Variants in PKNOX2 observed in about 807,000 individuals in gnomAD.
The protein encoded by PKNOX2 is PBX/knotted 1 homeobox 2.
In PKNOX2, 14 loss-of-function variants were observed where a neutral mutation model predicts 53.1. The observed-to-expected ratio is 0.26, with a 90% confidence interval of 0.17 to 0.41. PKNOX2 has a LOEUF of 0.41. Ranked by LOEUF, PKNOX2 falls within the 10% of genes least tolerant of loss-of-function variation. PKNOX2 has a pLI of 1.00. For missense variants in PKNOX2, 496 were observed against 602.8 expected, an observed-to-expected ratio of 0.82 and a Z score of 1.85; for synonymous variants, 257 against 242.8, an observed-to-expected ratio of 1.06 and a Z score of -0.54.
intron 4 of PKNOX2, among the ~76,000 whole-genome samples, chr11:125,367,362 T>G (rs948635573): frequency 4.6e-5 from 7 of 152,180 alleles, no homozygotes; most frequent in African/African-American, 1.4e-4. Flanking sequence ...AGCCATTCAG[T>G]CATCCTTCAA....
At chr11:125,267,549 G>A (rs968348213) in intron 2 of PKNOX2, among the ~76,000 whole-genome samples, 3 of 152,312 alleles carry the variant, frequency 2.0e-5, no homozygotes, top group East Asian at 1.9e-4. Context: ...TTCTAGCTCC[G>A]CTCTTCTCGT....
intron 2 of PKNOX2, among the ~76,000 whole-genome samples, chr11:125,236,238 C>T (rs1034178138): frequency 1.3e-5 from 2 of 152,154 alleles, no homozygotes; most frequent in Non-Finnish European, 2.9e-5. Flanking sequence ...CGATTCAGCG[C>T]CGGTCGCCTC....
intron 1 of PKNOX2, among the ~76,000 whole-genome samples, chr11:125,175,526 T>G (rs893398816): frequency 8.5e-5 from 13 of 152,202 alleles, no homozygotes; most frequent in Non-Finnish European, 1.6e-4. Flanking sequence ...GAGTGGAGGC[T>G]CCTTTGCTAT....
chr11:125,239,025 G>T (rs1942953893), intron 2 of PKNOX2, among the ~76,000 whole-genome samples: 1 of 152,118 alleles, frequency 6.6e-6, no homozygotes, highest in South Asian at 2.1e-4. Flanking sequence ...CAGGTACCTA[G>T]AGCCATTCTT....
At chr11:125,358,857 G>A (rs562531322) in intron 4 of PKNOX2, among the ~76,000 whole-genome samples, 2 of 152,198 alleles carry the variant, frequency 1.3e-5, no homozygotes, top group African/African-American at 4.8e-5. Context: ...AGTACACTGC[G>A]GGCAGGCATG....
At chr11:125,219,643 T>G (rs1308865657) in intron 1 of PKNOX2, among the ~76,000 whole-genome samples, 2 of 152,196 alleles carry the variant, frequency 1.3e-5, no homozygotes, top group African/African-American at 2.4e-5. Flanking sequence ...AAATAGCTTT[T>G]AATGTATGAG....
intron 10 of PKNOX2, among the ~76,000 whole-genome samples, chr11:125,423,206 C>T (rs1320311229): frequency 6.6e-6 from 1 of 152,146 alleles, no homozygotes; most frequent in Non-Finnish European, 1.5e-5. Flanking sequence ...CAAGGTCTCA[C>T]GCCGGTTAGA....
At chr11:125,245,157 G>C (rs780080761) in intron 2 of PKNOX2, among the ~76,000 whole-genome samples, 3 of 152,150 alleles carry the variant, frequency 2.0e-5, no homozygotes, top group Non-Finnish European at 4.4e-5. Flanking sequence ...ACTCAGCCTT[G>C]GTGGCTGGCT....
intron 2 of PKNOX2, among the ~76,000 whole-genome samples, chr11:125,304,902 A>G (rs1477776367): frequency 6.6e-6 from 1 of 152,252 alleles, no homozygotes; most frequent in Admixed American, 6.5e-5. Context: ...GTAATACATA[A>G]GTAAACTGTT....
chr11:125,431,631 A>G lies in PKNOX2; in HGVS notation c.*239A>G, dbSNP rs1956707648. ...GCCGAGGACTCTGTTTGGCGGGGCC[A>G]GTCGAGCAGCCTGTGTGGAAAGACA... On this transcript the variant is annotated 3_prime_UTR_variant, in exon 13 of 13. Coordinates refer to ENST00000298282, the MANE Select transcript of PKNOX2 (RefSeq NM_001382323.2). 4 of 542,264 alleles carry G rather than the reference A, an allele frequency of 7.4e-6. No homozygotes were observed. The highest frequency in any genetic ancestry group is 9.9e-6 in the Non-Finnish European group (3 of 302,940). 33.6% of individuals were successfully genotyped at this position (542,264 alleles called of 1,614,324 possible).
intron 2 of PKNOX2, among the ~76,000 whole-genome samples, chr11:125,276,922 C>G (rs1946200845): frequency 1.3e-5 from 2 of 152,046 alleles, no homozygotes; most frequent in Non-Finnish European, 2.9e-5. Context: ...TAAGACAATG[C>G]AAGGAGAGCT....
At chr11:125,220,446 G>T (rs902881650) in intron 1 of PKNOX2, among the ~76,000 whole-genome samples, 3 of 152,186 alleles carry the variant, frequency 2.0e-5, no homozygotes, top group South Asian at 2.1e-4. Flanking sequence ...TCTTTTTTAG[G>T]CATGGAATCC....
chr11:125,355,658 G>T (rs1359900824), intron 4 of PKNOX2, among the ~76,000 whole-genome samples: 1 of 152,124 alleles, frequency 6.6e-6, no homozygotes, highest in East Asian at 1.9e-4. Flanking sequence ...CTGGCTGTCA[G>T]CTGGACTTTC....
Position 125,429,218 on chromosome 11 carries a change from T to TC in PKNOX2, c.1013+136dup, listed in dbSNP as rs991501952. 1.9e-4 allele frequency: 166 copies of TC among 868,702 alleles called. No homozygotes were observed. In the East Asian group the frequency reaches 4.5e-3, roughly 24 times the overall value. The allele number at this position is 868,702 out of a possible 1,614,324, so 53.8% of individuals were successfully genotyped here. On this transcript the variant is annotated intron_variant, in intron 11 of 12. Transcript: ENST00000298282. Reference sequence around the variant, plus strand: ...AATCTCAGCCCAGCTACCATGCCAGTCCCCCCATTTAGGCTAGAAGCAGAA... The same window carrying TC: ...AATCTCAGCCCAGCTACCATGCCAGTCCCCCCCATTTAGGCTAGAAGCAGAA...
At chr11:125,207,015 C>A (rs1211953143) in intron 1 of PKNOX2, among the ~76,000 whole-genome samples, 1 of 71,238 alleles carries the variant, frequency 1.4e-5, no homozygotes, top group Non-Finnish European at 2.6e-5. Context: ...AAGGAAAAAT[C>A]TTCAGGTGGC....
chr11:125,303,898 TCTC>T (rs1253659051), intron 2 of PKNOX2, among the ~76,000 whole-genome samples: 5 of 152,176 alleles, frequency 3.3e-5, no homozygotes, highest in African/African-American at 4.8e-5. Context: ...TGCAAAACCA[TCTC>T]CTTCCATCAG....
At chr11:125,300,348 AC>A (rs1415312831) in intron 2 of PKNOX2, among the ~76,000 whole-genome samples, 7 of 152,238 alleles carry the variant, frequency 4.6e-5, no homozygotes, top group African/African-American at 1.4e-4. Context: ...TGTGCTAAAC[AC>A]ATTACATGTA....
At chr11:125,414,656 A>G (rs1350017087) in intron 10 of PKNOX2, among the ~76,000 whole-genome samples, 1 of 152,150 alleles carries the variant, frequency 6.6e-6, no homozygotes, top group Non-Finnish European at 1.5e-5. Flanking sequence ...TAGGCACGGT[A>G]GAAAGAAGAC....
intron 4 of PKNOX2, among the ~76,000 whole-genome samples, chr11:125,367,137 T>G (rs1443960355): frequency 1.2e-4 from 18 of 152,252 alleles, no homozygotes; most frequent in Admixed American, 1.2e-3. Flanking sequence ...GAACCATTTC[T>G]TTAAACAAAA....
Sources: allele counts gnomAD v4.1 joint callset (sites outside exome capture counted in the v4.1 genomes callset), GRCh38; gene constraint gnomAD v4.1.1; transcripts MANE v1.5; gene names NCBI Gene and HGNC (gene_info 2026-07-23, HGNC 2026-07-21).